Variants in LCN10 observed in about 807,000 individuals in gnomAD.
The protein encoded by LCN10 is lipocalin 10, also known as epididymal-specific lipocalin-10.
LCN10 carries 18 observed loss-of-function variants against 25.1 expected under a neutral mutation model. The observed-to-expected ratio is 0.72, with a 90% CI of 0.50 to 1.06. The LOEUF is 1.06. Ranked by LOEUF, LCN10 falls within the 50% of genes least tolerant of loss-of-function variation. The pLI, the probability that LCN10 is intolerant of heterozygous loss-of-function variation, is 0.00. For synonymous variants in LCN10, 130 were observed against 116.7 expected (o/e 1.11, Z -0.73); for missense variants, 257 against 258.9 (o/e 0.99, Z 0.05).
intron 1 of LCN10, chr9:136,742,426 T>C: frequency 2.4e-6 from 1 of 419,944 alleles, no homozygotes; most frequent in Non-Finnish European, 4.3e-6. Flanking sequence ...TGAGTGCTGC[T>C]CCCACGGCTC....
At chr9:136,742,509 C>G (rs1588298485) in intron 1 of LCN10, 1 of 530,558 alleles carries the variant, frequency 1.9e-6, no homozygotes, top group East Asian at 3.2e-5. Flanking sequence ...GCACTCTGGG[C>G]GTCTCCCGAC....
Position 136,742,872 on chromosome 9 carries a change from A to ACCAGCG in LCN10, c.26_31dup (p.Ala9_Leu10dup), listed in dbSNP as rs749511624. ...AGCCAGCACTAGCACCAGCACCAGC[A>ACCAGCG]CCAGCGCCAGCACCAGCAGCCCCTG... On this transcript the variant is annotated inframe_insertion, in exon 1 of 6. Coordinates refer to ENST00000497771, the MANE Select transcript of LCN10 (RefSeq NM_001001712.3). 7 of 1,613,412 alleles carry ACCAGCG rather than the reference A, an allele frequency of 4.3e-6. No homozygotes were observed. The highest frequency in any genetic ancestry group is 5.9e-6 in the Non-Finnish European group (7 of 1,179,692).
chr9:136,742,076 C>T, intron 1 of LCN10, 56 bp from the exon 2 acceptor site: 1 of 1,598,278 alleles, frequency 6.3e-7, no homozygotes, highest in Non-Finnish European at 8.5e-7. Context: ...CTGTCCCCAC[C>T]CCCGAGGTTC....
chr9:136,740,744 C>G lies in LCN10; in HGVS notation c.475+92G>C. 1 of 864,062 alleles carries G rather than the reference C, an allele frequency of 1.2e-6. No homozygotes were observed. The highest frequency in any genetic ancestry group is 1.7e-6 in the Non-Finnish European group (1 of 580,164). 53.5% of individuals were successfully genotyped at this position (864,062 alleles called of 1,614,324 possible). A position where few individuals can be genotyped will look rare whatever the true frequency, so the allele number is the denominator to read the frequency against. ...CAACCCCCACTCTCCCTGCCCGCCT[C>G]ACCTCCTGCCCGGCCCCCTGTGCCC... On this transcript the variant is annotated intron_variant, in intron 4 of 5. Transcript: ENST00000497771. The surrounding 1 kb of genome is among the most constrained non-coding windows in gnomAD (Gnocchi z 5.3).
At position 136,740,897 on chromosome 9, in the gene LCN10, G is replaced by A. The variant is rs151074730; in HGVS notation, c.414C>T (p.Tyr138=). 87 of 1,613,826 alleles carry A rather than the reference G, an allele frequency of 5.4e-5. 1 individual carries two copies. In the South Asian group the frequency reaches 5.5e-4, roughly 10 times the overall value. ...AFHVLSTDYS[Y]GLVYLRLGRA... The stretch of plus-strand genomic sequence containing the variant: ...GCCCCAGGCGGAGGTAGACCAAGCC[G>A]TAGCTGTAGTCAGTGGACAGCACGT... The change falls in exon 4 of 6, where the codon TAC becomes TAT. Residue 138 remains tyrosine (Y), a synonymous_variant. Coordinates refer to ENST00000497771, the MANE Select transcript of LCN10 (RefSeq NM_001001712.3). This position sits in a 1 kb window ranked among gnomAD's most constrained non-coding sequence, Gnocchi z 5.3.
Position 136,742,883 on chromosome 9 carries a change from C to A in LCN10, c.21G>T (p.Val7=), listed in dbSNP as rs754158039. 6.2e-7 allele frequency: 1 copy of A among 1,613,492 alleles called. No individual in the cohort carries two copies. The highest frequency in any genetic ancestry group is 1.1e-5 in the South Asian group (1 of 91,076). The change falls in exon 1 of 6, where the codon GTG becomes GTT. Residue 7 remains valine (V), a synonymous_variant. Transcript: ENST00000497771. ...GCACCAGCACCAGCACCAGCGCCAG[C>A]ACCAGCAGCCCCTGCCTCATCTTCA... MRQGLL[V]LALVLVLVLV... is the part of the protein sequence containing the mutation.
rs1846906203 is a variant in LCN10 at position 136,740,332 on chromosome 9, G to C, written c.476-284C>G. The C allele has an allele frequency of 2.0e-6, 1 of 509,582 alleles. No homozygotes were observed. 31.6% of individuals were successfully genotyped at this position (509,582 alleles called of 1,614,324 possible). A position where few individuals can be genotyped will look rare whatever the true frequency, so the allele number is the denominator to read the frequency against. On this transcript the variant is annotated intron_variant, in intron 4 of 5. Coordinates refer to ENST00000497771, the MANE Select transcript of LCN10 (RefSeq NM_001001712.3). The surrounding 1 kb of genome is among the most constrained non-coding windows in gnomAD (Gnocchi z 5.3). ...GCTGTGCCCCAGCTTGCTGCACCCT[G>C]AGCGTGCCCTGCCTCGACTGAGACC... is the stretch of plus-strand genomic sequence containing the variant.
intron 1 of LCN10, 96 bp downstream of exon 1, chr9:136,742,691 A>G: frequency 6.9e-7 from 1 of 1,443,756 alleles, no homozygotes; most frequent in East Asian, 2.5e-5. Flanking sequence ...AACTGCTGGT[A>G]GCCCTGCTCC....
At chr9:136,741,788 C>T in intron 2 of LCN10, 93 bp downstream of exon 2, 1 of 1,457,014 alleles carries the variant, frequency 6.9e-7, no homozygotes, top group East Asian at 2.5e-5. Flanking sequence ...AACTTCCAGA[C>T]AGACAGGCTC....
rs1334334342 is a variant in LCN10 at position 136,740,303 on chromosome 9, C to G, written c.476-255G>C. ...CTGCAGAGTCCCCTCCAGCCAGCCC[C>G]TCAGCTGTGCCCCAGCTTGCTGCAC... On this transcript the variant is annotated intron_variant, in intron 4 of 5. Coordinates refer to ENST00000497771, the MANE Select transcript of LCN10 (RefSeq NM_001001712.3). This position sits in a 1 kb window ranked among gnomAD's most constrained non-coding sequence, Gnocchi z 5.3. The G allele has an allele frequency of 1.7e-5, 9 of 537,924 alleles. No homozygotes were observed. The highest frequency in any genetic ancestry group is 1.1e-4 in the African/African-American group (6 of 52,522). 33.3% of individuals were successfully genotyped at this position (537,924 alleles called of 1,614,324 possible).
intron 1 of LCN10, 103 bp from the exon 2 acceptor site, chr9:136,742,123 TG>T: frequency 7.0e-7 from 1 of 1,432,366 alleles, no homozygotes; most frequent in Non-Finnish European, 9.4e-7. Context: ...GACCCTTCTG[TG>T]AGCCGGAGTC....
In LCN10 at chr9:136,740,593, G is replaced by C; in HGVS notation, c.475+243C>G. ...ACCCGCCACCATCCTGGTGGCCTCCGCTCCCCCTGGATGGCCCACCTTTCT... is the reference window on the plus strand; with the variant it reads ...ACCCGCCACCATCCTGGTGGCCTCCCCTCCCCCTGGATGGCCCACCTTTCT... On this transcript the variant is annotated intron_variant, in intron 4 of 5. Transcript: ENST00000497771. The surrounding 1 kb of genome is among the most constrained non-coding windows in gnomAD (Gnocchi z 5.3). 1 of 532,892 alleles carries C rather than the reference G, an allele frequency of 1.9e-6. No individual in the cohort carries two copies. Among genetic ancestry groups the C allele is most frequent in the East Asian group, 3.0e-5 (1 of 33,728 alleles). 33.0% of individuals were successfully genotyped at this position (532,892 alleles called of 1,614,324 possible). A position where few individuals can be genotyped will look rare whatever the true frequency, so the allele number is the denominator to read the frequency against.
chr9:136,739,993 G>A lies in LCN10; in HGVS notation c.531C>T (p.Asp177=), dbSNP rs1192097283. ...CGGCGGCCTTGGAGAGCCCCAGAAT[G>A]TCACAAGCGTCCATGAATTCCTTCA... ...QSLKEFMDAC[D]ILGLSKAAVI... Residue 177 remains aspartate (D), a synonymous_variant, in exon 5 of 6, where the codon GAC becomes GAT. Transcript: ENST00000497771. The surrounding 1 kb of genome is among the most constrained non-coding windows in gnomAD (Gnocchi z 6.1). The A allele has an allele frequency of 1.4e-5, 23 of 1,592,038 alleles. No homozygotes were observed. The highest frequency in any genetic ancestry group is 1.9e-5 in the Non-Finnish European group (22 of 1,169,194).
chr9:136,739,557 T>G lies in LCN10; in HGVS notation c.575-4A>C. ...AGGATGGTGTGTGTACGGGACGCTG[T>G]GGGAGAGGAAAACAGCCACATGTGG... On this transcript the variant is annotated splice_region_variant and splice_polypyrimidine_tract_variant and intron_variant, in intron 5 of 5. Coordinates refer to ENST00000497771, the MANE Select transcript of LCN10 (RefSeq NM_001001712.3). This position sits in a 1 kb window ranked among gnomAD's most constrained non-coding sequence, Gnocchi z 6.1. The G allele has an allele frequency of 6.2e-7, 1 of 1,600,238 alleles. No individual in the cohort carries two copies. Among genetic ancestry groups the G allele is most frequent in the Non-Finnish European group, 8.5e-7 (1 of 1,174,288 alleles).
At chr9:136,742,666 A>C (rs907983653) in intron 1 of LCN10, 121 bp downstream of exon 1, 5 of 1,248,746 alleles carry the variant, frequency 4.0e-6, no homozygotes, top group East Asian at 2.6e-5. Flanking sequence ...CCAGGTGGGC[A>C]GCGCCCGTGC....
chr9:136,740,004 C>A lies in LCN10; in HGVS notation c.520G>T (p.Asp174Tyr). The part of the protein sequence containing the change: ...SSFQSLKEFM[D>Y]ACDILGLSKA... The stretch of plus-strand genomic sequence containing the variant: ...GAGAGCCCCAGAATGTCACAAGCGT[C>A]CATGAATTCCTTCAGACTCTGGAAG... Residue 174 changes from aspartate to tyrosine, a missense_variant, in exon 5 of 6, where the codon GAC (aspartate) becomes TAC (tyrosine). Physicochemically the swap from Asp to Tyr is radical, Grantham distance 160. Coordinates refer to ENST00000497771, the MANE Select transcript of LCN10 (RefSeq NM_001001712.3). This position sits in a 1 kb window ranked among gnomAD's most constrained non-coding sequence, Gnocchi z 5.3. 1 of 1,590,212 alleles carries A rather than the reference C, an allele frequency of 6.3e-7. No individual in the cohort carries two copies. The highest frequency in any genetic ancestry group is 8.6e-7 in the Non-Finnish European group (1 of 1,168,132).
Position 136,740,757 on chromosome 9 carries a change from G to C in LCN10, c.475+79C>G. 1 of 1,041,054 alleles carries C rather than the reference G, an allele frequency of 9.6e-7. No individual in the cohort carries two copies. The highest frequency in any genetic ancestry group is 1.4e-6 in the Non-Finnish European group (1 of 733,714). 64.5% of individuals were successfully genotyped at this position (1,041,054 alleles called of 1,614,324 possible). A position where few individuals can be genotyped will look rare whatever the true frequency, so the allele number is the denominator to read the frequency against. The stretch of plus-strand genomic sequence containing the variant: ...CCCTGCCCGCCTCACCTCCTGCCCG[G>C]CCCCCTGTGCCCAGCGCCCCTCTAT... On this transcript the variant is annotated intron_variant, in intron 4 of 5. Transcript: ENST00000497771. This position sits in a 1 kb window ranked among gnomAD's most constrained non-coding sequence, Gnocchi z 5.3.
intron 1 of LCN10, chr9:136,742,517 G>A (rs1564323620): frequency 7.4e-6 from 4 of 537,900 alleles, no homozygotes; most frequent in Non-Finnish European, 9.9e-6. Context: ...GGCGTCTCCC[G>A]ACCTCCTCGG....
At chr9:136,742,552 C>G (rs1233061031) in intron 1 of LCN10, 1 of 578,872 alleles carries the variant, frequency 1.7e-6, no homozygotes, top group African/African-American at 1.9e-5. Context: ...GCCCCTCCAC[C>G]CTGGCCCTCC....
Sources: gnomAD v4.1 joint callset for allele counts on GRCh38, gnomAD v4.1.1 for gene constraint, Gnocchi (gnomAD v3.1) non-coding constraint, MANE v1.5 for transcripts, NCBI Gene and HGNC (gene_info 2026-07-23, HGNC 2026-07-21) for gene names.